The following VWC2L variants were observed in gnomAD, a reference collection of about 807,000 sequenced individuals.
VWC2L encodes the protein von Willebrand factor C domain containing 2 like, also known as von Willebrand factor C domain-containing protein 2-like.
VWC2L carries 10 observed loss-of-function variants against 21.6 expected under a neutral mutation model. The observed-to-expected ratio is 0.46, with a 90% confidence interval of 0.29 to 0.78. The LOEUF (loss-of-function observed/expected upper bound fraction) is 0.78, where lower values mean the gene tolerates loss of function less well. VWC2L is among the 30% of genes least tolerant of loss of function. The pLI, the probability that VWC2L is intolerant of heterozygous loss-of-function variation, is 0.10. For synonymous variants in VWC2L, 96 were observed against 94.3 expected (o/e 1.02, Z -0.10); for missense variants, 209 against 277.1 (o/e 0.75, Z 1.74).
chr2:214,553,314 G>T (rs1689823823), intron 3 of VWC2L, among the ~76,000 whole-genome samples: 1 of 152,228 alleles, frequency 6.6e-6, no homozygotes, highest in Admixed American at 6.5e-5. Context: ...AGCCCCAGGG[G>T]ATCATGTGCC....
chr2:214,496,803 A>C (rs1435474310), intron 3 of VWC2L, among the ~76,000 whole-genome samples: 1 of 152,206 alleles, frequency 6.6e-6, no homozygotes, highest in Non-Finnish European at 1.5e-5. Flanking sequence ...TATTCTCACC[A>C]GACGCTTGGT....
At position 214,421,885 on chromosome 2, in the gene VWC2L, C is replaced by CTTTTTTTTTT. The variant is rs761759449; in HGVS notation, c.390+7317_390+7326dup. Among the ~76,000 whole-genome samples the CTTTTTTTTTT allele has an allele frequency of 2.4e-3, 181 of 76,158 alleles. 14 individuals carry two copies. The highest frequency in any genetic ancestry group is 4.1e-3 in the African/African-American group (64 of 15,712). 50.0% of individuals were successfully genotyped at this position (76,158 alleles called of 152,430 possible). ...CATAATTTTTTTCTATTTCCTACAT[C>CTTTTTTTTTT]TTTTTTTTTTTTTTTTTTTTTTTTG... On this transcript the variant is annotated intron_variant, in intron 2 of 3. Transcript: ENST00000312504.
intron 3 of VWC2L, among the ~76,000 whole-genome samples, chr2:214,487,324 G>T (rs1185221879): frequency 6.6e-6 from 1 of 151,818 alleles, no homozygotes; most frequent in Non-Finnish European, 1.5e-5. Flanking sequence ...AGAACTGAAA[G>T]TCTTCACTCT....
Position 214,534,359 on chromosome 2 carries a change from T to C in VWC2L, c.521-41313T>C, listed in dbSNP as rs1559322004. Among the ~76,000 whole-genome samples, 3 of 152,130 alleles carry C rather than the reference T, an allele frequency of 2.0e-5. No individual in the cohort carries two copies. The East Asian group carries it at 5.8e-4, about 29-fold the overall frequency. ...TCAAGAAATTATTGCATTTCTTTGG[T>C]TTCCAGTTCATTGTATCTCTGCGTT... On this transcript the variant is annotated intron_variant, in intron 3 of 3. Coordinates refer to ENST00000312504, the MANE Select transcript of VWC2L (RefSeq NM_001080500.4).
At chr2:214,441,618 T>A (rs984221704) in intron 3 of VWC2L, among the ~76,000 whole-genome samples, 5 of 151,998 alleles carry the variant, frequency 3.3e-5, no homozygotes, top group Non-Finnish European at 5.9e-5. Flanking sequence ...CAGTTTCACC[T>A]TTTGTACTTT....
intron 2 of VWC2L, among the ~76,000 whole-genome samples, chr2:214,433,921 G>A (rs559571017): frequency 6.6e-6 from 1 of 152,236 alleles, no homozygotes; most frequent in African/African-American, 2.4e-5. Context: ...GATCAGAGGG[G>A]CACAAGGAGG....
chr2:214,483,396 A>G (rs1688632906), intron 3 of VWC2L, among the ~76,000 whole-genome samples: 1 of 152,138 alleles, frequency 6.6e-6, no homozygotes, highest in Admixed American at 6.5e-5. Flanking sequence ...AAAAATTAGA[A>G]TAATGTATCT....
At chr2:214,431,372 T>C (rs1226031526) in intron 2 of VWC2L, among the ~76,000 whole-genome samples, 2 of 152,208 alleles carry the variant, frequency 1.3e-5, no homozygotes, top group Non-Finnish European at 2.9e-5. Flanking sequence ...TTTTAAATAG[T>C]TGTTTAAGGG....
rs951172980 is a variant in VWC2L at position 214,485,484 on chromosome 2, T to C, written c.520+48726T>C. On this transcript the variant is annotated intron_variant, in intron 3 of 3. Transcript: ENST00000312504. ...TTAACCTCTCTGAGTTTCTACTTCC[T>C]CTTCTGAAAAATAAGACTAATCAAA... 4.6e-5 allele frequency among the ~76,000 whole-genome samples: 7 copies of C among 152,292 alleles called. 1 individual carries two copies. In the East Asian group the frequency reaches 7.7e-4, roughly 17 times the overall value.
intron 3 of VWC2L, among the ~76,000 whole-genome samples, chr2:214,456,282 G>A (rs1419757371): frequency 6.6e-6 from 1 of 152,036 alleles, no homozygotes; most frequent in Middle Eastern, 3.2e-3. Context: ...GAATTTTCCT[G>A]ATGATTAGTG....
intron 3 of VWC2L, among the ~76,000 whole-genome samples, chr2:214,544,346 G>T (rs1216914677): frequency 1.3e-5 from 2 of 152,158 alleles, no homozygotes; most frequent in Admixed American, 6.5e-5. Context: ...GAGAAGATGT[G>T]ACTTGTAAAG....
At chr2:214,526,669 C>G (rs1363748854) in intron 3 of VWC2L, among the ~76,000 whole-genome samples, 1 of 152,170 alleles carries the variant, frequency 6.6e-6, no homozygotes, top group Admixed American at 6.6e-5. Flanking sequence ...TTTCTTTTCT[C>G]ATAAACCTAA....
At chr2:214,418,930 C>A (rs187777238) in intron 2 of VWC2L, among the ~76,000 whole-genome samples, 1 of 152,290 alleles carries the variant, frequency 6.6e-6, no homozygotes, top group East Asian at 1.9e-4. Flanking sequence ...ATTCTGTCTC[C>A]ATCCCAGCAT....
chr2:214,427,524 T>A (rs1702541992), intron 2 of VWC2L, among the ~76,000 whole-genome samples: 1 of 152,216 alleles, frequency 6.6e-6, no homozygotes, highest in African/African-American at 2.4e-5. Flanking sequence ...CTAAAAATAC[T>A]GTCCAATGCC....
At chr2:214,522,512 A>G (rs577518122) in intron 3 of VWC2L, among the ~76,000 whole-genome samples, 8 of 152,244 alleles carry the variant, frequency 5.3e-5, no homozygotes, top group African/African-American at 1.7e-4. Flanking sequence ...ATTGGGGTAC[A>G]GAAGATGTTT....
At chr2:214,520,302 T>A (rs559768351) in intron 3 of VWC2L, among the ~76,000 whole-genome samples, 2 of 152,328 alleles carry the variant, frequency 1.3e-5, no homozygotes, top group African/African-American at 4.8e-5. Context: ...TGTAACATCA[T>A]GTCAAAAACA....
intron 3 of VWC2L, among the ~76,000 whole-genome samples, chr2:214,557,318 T>TG (rs1475002890): frequency 3.3e-5 from 5 of 152,070 alleles, no homozygotes; most frequent in Admixed American, 6.6e-5. Context: ...TCAAATCTCG[T>TG]GAGACGTATT....
chr2:214,544,882 T>G (rs1380846389), intron 3 of VWC2L, among the ~76,000 whole-genome samples: 1 of 152,146 alleles, frequency 6.6e-6, no homozygotes, highest in Non-Finnish European at 1.5e-5. Context: ...GTTAAGTAAG[T>G]TGGCAAAGTA....
chr2:214,518,376 A>G (rs1689178594), intron 3 of VWC2L, among the ~76,000 whole-genome samples: 2 of 152,232 alleles, frequency 1.3e-5, no homozygotes, highest in African/African-American at 4.8e-5. Context: ...AGGCACTTAG[A>G]ATAGCACTTG....
Sources: gnomAD v4.1 joint callset for allele counts (sites outside exome capture counted in the v4.1 genomes callset) on GRCh38, gnomAD v4.1.1 for gene constraint, MANE v1.5 for transcripts, NCBI Gene and HGNC (gene_info 2026-07-23, HGNC 2026-07-21) for gene names.